Variants in FAM174C observed in about 807,000 individuals in gnomAD.
FAM174C encodes the protein family with sequence similarity 174 member C, also known as protein FAM174C.
FAM174C carries 19 observed loss-of-function variants against 12.3 expected under a neutral mutation model. The observed-to-expected ratio is 1.55, with a 90% confidence interval of 1.08 to 2.27. The LOEUF (loss-of-function observed/expected upper bound fraction) is 2.27. FAM174C is among the 30% of genes most tolerant of loss of function. FAM174C has a pLI of 0.00. For synonymous variants in FAM174C, 147 were observed against 103.5 expected (o/e 1.42, Z -2.55); for missense variants, 239 against 190.2 (o/e 1.26, Z -1.51).
rs370611692 is a variant in FAM174C, at chr19:1,275,917, CCCCTCCCT to C, written c.281+105_281+112del. ...GTCACGTGCCGGGCCGCGGGGTCCT[CCCCTCCCT>C]CCCTCCCTCCCTCCCTCTCTCCCTG... On this transcript the variant is annotated intron_variant, in intron 1 of 2. Coordinates refer to ENST00000409293, the MANE Select transcript of FAM174C (RefSeq NM_017914.4). The C allele has an allele frequency of 8.4e-4, 959 of 1,142,740 alleles. 5 individuals are homozygous for C. The African/African-American group carries it at 0.012, about 15-fold the overall frequency. 70.8% of individuals were successfully genotyped at this position (1,142,740 alleles called of 1,614,324 possible). A position where few individuals can be genotyped will look rare whatever the true frequency, so the allele number is the denominator to read the frequency against.
chr19:1,275,551 T>TG lies in FAM174C; in HGVS notation c.6dup (p.Pro3_?2), dbSNP rs1324219642. On this transcript the variant is annotated frameshift_variant and start_lost, in exon 1 of 3. Coordinates refer to ENST00000409293, the MANE Select transcript of FAM174C (RefSeq NM_017914.4). LOFTEE classifies it high-confidence loss of function. ...CGCCGCCACCGCTTCCGCCGGGCCA[T>TG]GGGGCCGCGCGTGCTGCAGCCGCCG... 1.7e-6 allele frequency: 2 copies of TG among 1,206,228 alleles called. No individual in the cohort carries two copies. The highest frequency in any genetic ancestry group is 3.4e-5 in the East Asian group (1 of 29,022). 74.7% of individuals were successfully genotyped at this position (1,206,228 alleles called of 1,614,324 possible).
rs1312628363 is a variant in FAM174C at position 1,275,601 on chromosome 19, C to T, written c.52C>T (p.Leu18=). Residue 18 remains leucine (L), a synonymous_variant, in exon 1 of 3, where the codon CTG becomes TTG. Coordinates refer to ENST00000409293, the MANE Select transcript of FAM174C (RefSeq NM_017914.4). ...GCTGCTGCTGCTCCTGCTGGCGCTG[C>T]TGCTGGCGGCGCTGCCGTGCGGTGC... ...PPLLLLLLAL[L]LAALPCGAEE... 1.6e-6 allele frequency: 2 copies of T among 1,250,612 alleles called. No individual in the cohort carries two copies. Among genetic ancestry groups the T allele is most frequent in the East Asian group, 6.5e-5 (2 of 30,806 alleles). 77.5% of individuals were successfully genotyped at this position (1,250,612 alleles called of 1,614,324 possible). A position where few individuals can be genotyped will look rare whatever the true frequency, so the allele number is the denominator to read the frequency against.
At position 1,278,910 on chromosome 19, in the gene FAM174C, C is replaced by T; in HGVS notation, c.*133C>T. 6.2e-7 allele frequency: 1 copy of T among 1,613,238 alleles called. No individual in the cohort carries two copies. The highest frequency in any genetic ancestry group is 8.5e-7 in the Non-Finnish European group (1 of 1,179,930). On this transcript the variant is annotated 3_prime_UTR_variant, in exon 3 of 3. Transcript: ENST00000409293. Reference sequence around the variant, plus strand: ...GCCCCGGGGCTGGTCTCACCCAGTGCCAACCCGAGAGCTCCTTTTGGAACC... The same window carrying T: ...GCCCCGGGGCTGGTCTCACCCAGTGTCAACCCGAGAGCTCCTTTTGGAACC...
Position 1,277,259 on chromosome 19 carries a change from A to G in FAM174C, c.358A>G (p.Ser120Gly). The G allele has an allele frequency of 6.5e-7, 1 of 1,549,226 alleles. No individual in the cohort carries two copies. Among genetic ancestry groups the G allele is most frequent in the Non-Finnish European group, 8.7e-7 (1 of 1,145,534 alleles). The change falls in exon 2 of 3, where the codon AGC becomes GGC. Residue 120 changes from serine (S) to glycine (G), a missense_variant. Physicochemically the swap from Ser to Gly is moderately conservative, Grantham distance 56 (BLOSUM62 0). Transcript: ENST00000409293. ...EDPTEMASLD[S>G]DEETVFESRN... ...CCCCACGGAGATGGCCTCGCTGGAC[A>G]GCGACGAGGAGACGGTGTTTGAGTC...
Position 1,275,631 on chromosome 19 carries a change from G to C in FAM174C, c.82G>C (p.Glu28Gln). The C allele has an allele frequency of 7.3e-7, 1 of 1,364,112 alleles. No individual in the cohort carries two copies. The highest frequency in any genetic ancestry group is 1.7e-5 in the South Asian group (1 of 57,882). 84.5% of individuals were successfully genotyped at this position (1,364,112 alleles called of 1,614,324 possible). A position where few individuals can be genotyped will look rare whatever the true frequency, so the allele number is the denominator to read the frequency against. The change falls in exon 1 of 3, where the codon GAG (glutamate) becomes CAG (glutamine). Residue 28 changes from glutamate to glutamine, a missense_variant. By Grantham distance (29) the Glu-to-Gln change is conservative. Transcript: ENST00000409293. ...GGCGGCGCTGCCGTGCGGTGCCGAA[G>C]AGGCCTCGCCGCTGCGCCCCGCGCA... ...LLAALPCGAE[E>Q]ASPLRPAQVT... is the part of the protein sequence containing the mutation.
chr19:1,279,125 A>G lies in FAM174C; in HGVS notation c.*348A>G, dbSNP rs752018798. 3.0e-5 allele frequency: 48 copies of G among 1,613,018 alleles called. No individual in the cohort carries two copies. In the East Asian group the frequency reaches 1.0e-3, roughly 35 times the overall value. ...GCCTCTCTCCTGCCCCCGTGGGGAC[A>G]TGGCAGCCCAGAGCCAAGGCTGGGT... On this transcript the variant is annotated 3_prime_UTR_variant, in exon 3 of 3. Coordinates refer to ENST00000409293, the MANE Select transcript of FAM174C (RefSeq NM_017914.4).
chr19:1,275,783 G>A lies in FAM174C; in HGVS notation c.234G>A (p.Leu78=). 2.6e-6 allele frequency: 4 copies of A among 1,539,530 alleles called. No individual in the cohort carries two copies. ...TGACGCGCTCCTTCTACGTGATCCT[G>A]GGCTTCTGCGGCCTGACCGCGCTCT... ...SALTRSFYVI[L]GFCGLTALYF... Residue 78 remains leucine (L), a synonymous_variant, in exon 1 of 3, where the codon CTG becomes CTA. Coordinates refer to ENST00000409293, the MANE Select transcript of FAM174C (RefSeq NM_017914.4).
At chr19:1,278,338 C>T (rs1281346731) in intron 2 of FAM174C, among the ~76,000 whole-genome samples, 2 of 152,020 alleles carry the variant, frequency 1.3e-5, no homozygotes, top group East Asian at 1.9e-4. Context: ...ATCGAGGCAG[C>T]TGTCAGGGGT....
intron 1 of FAM174C, 77 bp downstream of exon 1, chr19:1,275,907 G>T (rs530076023): frequency 4.4e-6 from 6 of 1,348,820 alleles, no homozygotes; most frequent in South Asian, 3.8e-5. Context: ...GTGCCGGGCC[G>T]CGGGGTCCTC....
At chr19:1,277,144 C>A (rs1216250423) in intron 1 of FAM174C, 39 bp from the exon 2 acceptor site, 1 of 1,512,376 alleles carries the variant, frequency 6.6e-7, no homozygotes, top group South Asian at 1.2e-5. Flanking sequence ...GCAGGGTTGG[C>A]GGGGAGGGGC....
At chr19:1,275,928 CT>C in intron 1 of FAM174C, 98 bp downstream of exon 1, 1 of 958,188 alleles carries the variant, frequency 1.0e-6, no homozygotes. Context: ...CCCTCCCTCC[CT>C]CCCTCCCTCC....
rs918437095 is a variant in FAM174C at position 1,275,686 on chromosome 19, C to G, written c.137C>G (p.Thr46Arg). 2 of 1,468,344 alleles carry G rather than the reference C, an allele frequency of 1.4e-6. No individual in the cohort carries two copies. The highest frequency in any genetic ancestry group is 1.8e-6 in the Non-Finnish European group (2 of 1,121,304). 91.0% of individuals were successfully genotyped at this position (1,468,344 alleles called of 1,614,324 possible). The change falls in exon 1 of 3, where the codon ACG (threonine) becomes AGG (arginine). Residue 46 changes from threonine (T) to arginine (R), a missense_variant. Transcript: ENST00000409293. ...QVTLSPPPAV[T>R]NGSQPGAPHN... Reference sequence around the variant, plus strand: ...ACGTTGTCGCCGCCGCCGGCCGTGACGAACGGGAGCCAGCCGGGCGCGCCA... The same window carrying G: ...ACGTTGTCGCCGCCGCCGGCCGTGAGGAACGGGAGCCAGCCGGGCGCGCCA...
rs768755628 is a variant in FAM174C, at chr19:1,278,782, G to C, written c.*5G>C. The C allele has an allele frequency of 1.2e-5, 19 of 1,612,722 alleles. No individual in the cohort carries two copies. Among genetic ancestry groups the C allele is most frequent in the Non-Finnish European group, 1.6e-5 (19 of 1,179,836 alleles). On this transcript the variant is annotated 3_prime_UTR_variant, in exon 3 of 3. Coordinates refer to ENST00000409293, the MANE Select transcript of FAM174C (RefSeq NM_017914.4). ...CCTTGACCCCCTGCTTTCAGATGCT[G>C]AGCCAGGGAGGCGGCCCTTCCAGCA...
rs551471438 is a variant in FAM174C at position 1,277,236 on chromosome 19, C to A, written c.335C>A (p.Pro112His). 6.5e-7 allele frequency: 1 copy of A among 1,549,672 alleles called. No individual in the cohort carries two copies. The highest frequency in any genetic ancestry group is 1.4e-5 in the African/African-American group (1 of 73,034). The change falls in exon 2 of 3, where the codon CCC becomes CAC. Residue 112 changes from proline to histidine, a missense_variant. By Grantham distance (77) the Pro-to-His change is moderately conservative. Coordinates refer to ENST00000409293, the MANE Select transcript of FAM174C (RefSeq NM_017914.4). ...GGCCTCCTCGCCAACACTGAGGACC[C>A]CACGGAGATGGCCTCGCTGGACAGC... is the stretch of plus-strand genomic sequence containing the variant. ...RYGLLANTED[P>H]TEMASLDSDE...
chr19:1,275,955 A>C, intron 1 of FAM174C, 125 bp downstream of exon 1: 2 of 871,820 alleles, frequency 2.3e-6, no homozygotes, highest in South Asian at 3.3e-5. Flanking sequence ...TCCCTGTTGG[A>C]GTGGGCGTGG....
Position 1,278,583 on chromosome 19 carries a change from G to C in FAM174C, c.*-194G>C, listed in dbSNP as rs1449794187. Among the ~76,000 whole-genome samples the C allele has an allele frequency of 2.0e-5, 3 of 148,744 alleles. No homozygotes were observed. In the East Asian group the frequency reaches 6.1e-4, roughly 30 times the overall value. On this transcript the variant is annotated intron_variant, in intron 2 of 2. Transcript: ENST00000409293. Reference sequence around the variant, plus strand: ...CAGGTTTCTTCTACCTCCTGGCTGGGGGCCCCTTCCCCCGGAGTGGGCAGT... The same window carrying C: ...CAGGTTTCTTCTACCTCCTGGCTGGCGGCCCCTTCCCCCGGAGTGGGCAGT...
rs2081427027 is a variant in FAM174C, at chr19:1,278,808, G to A, written c.*31G>A. On this transcript the variant is annotated 3_prime_UTR_variant, in exon 3 of 3. Transcript: ENST00000409293. ...AGCCAGGGAGGCGGCCCTTCCAGCAGCCATGAGGGAAGGACAGGAGATGGG... is the reference window on the plus strand; with the variant it reads ...AGCCAGGGAGGCGGCCCTTCCAGCAACCATGAGGGAAGGACAGGAGATGGG... 6.2e-7 allele frequency: 1 copy of A among 1,612,912 alleles called. No individual in the cohort carries two copies. Among genetic ancestry groups the A allele is most frequent in the Non-Finnish European group, 8.5e-7 (1 of 1,179,902 alleles).
At position 1,275,765 on chromosome 19, in the gene FAM174C, C is replaced by T; in HGVS notation, c.216C>T (p.Arg72=). ...GGGCGTCGGGCTCGGCGCTGACGCG[C>T]TCCTTCTACGTGATCCTGGGCTTCT... The part of the protein sequence containing the change: ...PPGASGSALT[R]SFYVILGFCG... The change falls in exon 1 of 3, where the codon CGC becomes CGT. Residue 72 remains arginine (R), a synonymous_variant. Transcript: ENST00000409293. 6.5e-7 allele frequency: 1 copy of T among 1,539,104 alleles called. No homozygotes were observed. Among genetic ancestry groups the T allele is most frequent in the Non-Finnish European group, 8.7e-7 (1 of 1,145,966 alleles).
chr19:1,278,764 C>G lies in FAM174C; in HGVS notation c.*-13C>G, dbSNP rs142303411. 7.8e-5 allele frequency: 125 copies of G among 1,612,246 alleles called. No individual in the cohort carries two copies. Among genetic ancestry groups the G allele is most frequent in the Non-Finnish European group, 9.2e-5 (108 of 1,179,782 alleles). Reference sequence around the variant, plus strand: ...TCACTCCTTCCCTCTCACCCTTGACCCCCTGCTTTCAGATGCTGAGCCAGG... The same window carrying G: ...TCACTCCTTCCCTCTCACCCTTGACGCCCTGCTTTCAGATGCTGAGCCAGG... On this transcript the variant is annotated splice_polypyrimidine_tract_variant and intron_variant, in intron 2 of 2. Coordinates refer to ENST00000409293, the MANE Select transcript of FAM174C (RefSeq NM_017914.4).
Sources: gnomAD v4.1 joint callset for allele counts (sites outside exome capture counted in the v4.1 genomes callset) on GRCh38, gnomAD v4.1.1 for gene constraint, MANE v1.5 for transcripts, NCBI Gene and HGNC (gene_info 2026-07-23, HGNC 2026-07-21) for gene names.